The following DDX19B variants were observed in gnomAD, a reference collection of about 807,000 sequenced individuals.
DDX19B encodes the protein ATP-dependent RNA helicase DDX19B.
Under a neutral mutation model 58.1 loss-of-function variants are expected in DDX19B, and 27 were observed. That is an observed-to-expected ratio of 0.46 (90% confidence interval 0.34 to 0.64). The LOEUF is 0.64. DDX19B is among the 30% of genes least tolerant of loss of function. The probability of loss-of-function intolerance (pLI) is 0.01; values close to 1 mark genes in which losing one functional copy is unlikely to be tolerated. For missense variants in DDX19B, 399 were observed against 596.5 expected, an observed-to-expected ratio of 0.67 and a Z score of 3.45; for synonymous variants, 187 against 214.4, an observed-to-expected ratio of 0.87 and a Z score of 1.12.
chr16:70,298,964 A>C, upstream of DDX19B: 1 of 354,312 alleles, frequency 2.8e-6, no homozygotes. Context: ...CTACTCTGCC[A>C]CTGTGTTGGG....
upstream of DDX19B, chr16:70,295,119 G>A: frequency 6.5e-6 from 8 of 1,226,286 alleles, no homozygotes; most frequent in Non-Finnish European, 8.3e-6. Flanking sequence ...GGCTCACGTG[G>A]GAATAAATGC....
chr16:70,335,110 T>C lies in DDX19B; in HGVS notation c.*1528T>C, dbSNP rs1345400049. ...AAAGAGACCAACAGACTGCCAATTC[T>C]ACCACATTCCCCTGGTGGGTACTCG... On this transcript the variant is annotated 3_prime_UTR_variant, in exon 12 of 12. Transcript: ENST00000288071. The C allele has an allele frequency of 6.6e-6, 1 of 152,236 alleles. No homozygotes were observed. The highest frequency in any genetic ancestry group is 2.4e-5 in the African/African-American group (1 of 41,464). 9.4% of individuals were successfully genotyped at this position (152,236 alleles called of 1,614,324 possible). A position where few individuals can be genotyped will look rare whatever the true frequency, so the allele number is the denominator to read the frequency against.
intron 5 of DDX19B, among the ~76,000 whole-genome samples, chr16:70,321,564 C>T (rs780248535): frequency 6.6e-6 from 1 of 152,200 alleles, no homozygotes; most frequent in Non-Finnish European, 1.5e-5. Context: ...CATTAGTCAA[C>T]AACGCAGACC....
intron 1 of DDX19B, among the ~76,000 whole-genome samples, chr16:70,312,320 A>G (rs1287803989): frequency 6.6e-6 from 1 of 152,224 alleles, no homozygotes; most frequent in Non-Finnish European, 1.5e-5. Context: ...CAAAGAGAGA[A>G]AGTTTATAAT....
At chr16:70,317,783 AAAC>A in intron 5 of DDX19B, 195 bp downstream of exon 5, 1 of 371,796 alleles carries the variant, frequency 2.7e-6, no homozygotes, top group Non-Finnish European at 4.9e-6. Context: ...ACAAAAAAAA[AAAC>A]GTTATAAACT....
upstream of DDX19B, chr16:70,295,053 C>T: frequency 7.7e-7 from 1 of 1,296,006 alleles, no homozygotes; most frequent in South Asian, 2.3e-5. Context: ...GATCTAGAAT[C>T]CGCCATCTGT....
At chr16:70,305,864 C>T (rs1961721818) in intron 1 of DDX19B, among the ~76,000 whole-genome samples, 2 of 151,784 alleles carry the variant, frequency 1.3e-5, no homozygotes, top group Non-Finnish European at 1.5e-5. Context: ...GGGTTCACGC[C>T]ATTCTCCTGC....
intron 1 of DDX19B, among the ~76,000 whole-genome samples, chr16:70,309,576 T>G (rs1223699957): frequency 6.6e-6 from 1 of 151,400 alleles, no homozygotes; most frequent in East Asian, 2.0e-4. Flanking sequence ...TCCCAGCACT[T>G]TGGGAGGCCG....
intron 1 of DDX19B, among the ~76,000 whole-genome samples, chr16:70,310,682 CTATCTAA>C (rs1455232214): frequency 6.6e-6 from 1 of 152,148 alleles, no homozygotes; most frequent in Non-Finnish European, 1.5e-5. Flanking sequence ...GACTTTCCAT[CTATCTAA>C]TCCCTGTGCT....
chr16:70,307,260 T>C (rs982381113), intron 1 of DDX19B, among the ~76,000 whole-genome samples: 1 of 152,254 alleles, frequency 6.6e-6, no homozygotes, highest in Non-Finnish European at 1.5e-5. Flanking sequence ...GATTATATAG[T>C]AATTCTGTAT....
chr16:70,315,312 G>A (rs932733719), intron 3 of DDX19B, among the ~76,000 whole-genome samples: 22 of 151,466 alleles, frequency 1.5e-4, no homozygotes, highest in Non-Finnish European at 2.5e-4. Context: ...GCATGAACCC[G>A]GGAAGCAGAG....
chr16:70,332,883 G>C, intron 10 of DDX19B, 85 bp from the exon 11 acceptor site: 1 of 1,612,730 alleles, frequency 6.2e-7, no homozygotes, highest in Non-Finnish European at 8.5e-7. Flanking sequence ...TTAATGCTGA[G>C]TCATGCTCCA....
At chr16:70,322,634 C>G (rs1962902851) in intron 5 of DDX19B, among the ~76,000 whole-genome samples, 1 of 148,250 alleles carries the variant, frequency 6.7e-6, no homozygotes, top group Non-Finnish European at 1.5e-5. Flanking sequence ...TGGCTCACGA[C>G]TGTAATCCCA....
upstream of DDX19B, chr16:70,294,855 G>A (rs2152178551): frequency 2.0e-6 from 3 of 1,522,274 alleles, no homozygotes; most frequent in Non-Finnish European, 2.6e-6. Context: ...GATGGCTGGG[G>A]CTGCCGGGCG....
At chr16:70,300,571 C>G (rs1961441888) in intron 1 of DDX19B, among the ~76,000 whole-genome samples, 1 of 151,948 alleles carries the variant, frequency 6.6e-6, no homozygotes. Flanking sequence ...CCCTGTCACC[C>G]AGGCTGGAGT....
upstream of DDX19B, chr16:70,299,002 G>A (rs1036888824): frequency 2.7e-5 from 14 of 516,912 alleles, no homozygotes; most frequent in Non-Finnish European, 2.7e-5. Context: ...TCTTTGGTTG[G>A]AGATCCAAGT....
rs370569544 is a variant in DDX19B, at chr16:70,310,857, T to C, written c.58-1752T>C. 2.4e-3 allele frequency among the ~76,000 whole-genome samples: 357 copies of C among 145,868 alleles called. 18 individuals are homozygous for C. In the South Asian group the frequency reaches 0.074, roughly 30 times the overall value. ...CATCCTGGCTAACATGATGAAACCCTGCCTCTACTAAAAATACAAAAAAAT... is the reference window on the plus strand; with the variant it reads ...CATCCTGGCTAACATGATGAAACCCCGCCTCTACTAAAAATACAAAAAAAT... On this transcript the variant is annotated intron_variant, in intron 1 of 11. Coordinates refer to ENST00000288071, the MANE Select transcript of DDX19B (RefSeq NM_007242.7).
chr16:70,295,994 G>A (rs1328382984), upstream of DDX19B, among the ~76,000 whole-genome samples: 1 of 150,210 alleles, frequency 6.7e-6, no homozygotes, highest in Non-Finnish European at 1.5e-5. Flanking sequence ...AGTTTTGTGT[G>A]TATCTTAAGC....
At chr16:70,293,886 C>T (rs1475116147), upstream of DDX19B, among the ~76,000 whole-genome samples, 1 of 151,320 alleles carries the variant, frequency 6.6e-6, no homozygotes, top group Non-Finnish European at 1.5e-5. Context: ...GCTGGGATTA[C>T]AGGCGTGAGC....
Sources: allele counts gnomAD v4.1 joint callset (sites outside exome capture counted in the v4.1 genomes callset), GRCh38; gene constraint gnomAD v4.1.1; transcripts MANE v1.5; gene names NCBI Gene and HGNC (gene_info 2026-07-23, HGNC 2026-07-21).